NRG3: variants seen among roughly 807,000 people sequenced by gnomAD.
NRG3 encodes the protein pro-neuregulin-3, membrane-bound isoform.
A neutral mutation model predicts 66.9 loss-of-function variants in NRG3; 31 were observed. That is an observed-to-expected ratio of 0.46 (90% CI 0.35 to 0.63). NRG3 has a LOEUF of 0.63. Ranked by LOEUF, NRG3 falls within the 20% of genes least tolerant of loss-of-function variation. NRG3 has a pLI of 0.00. For missense variants in NRG3, 910 were observed against 878.9 expected (o/e 1.04, Z -0.45); for synonymous variants, 393 against 359.4 (o/e 1.09, Z -1.06).
chr10:82,647,791 A>G (rs1331084171), intron 2 of NRG3, among the ~76,000 whole-genome samples: 1 of 151,998 alleles, frequency 6.6e-6, no homozygotes, highest in African/African-American at 2.4e-5. Context: ...TTTTGGCTGC[A>G]TAATTGTCTT....
At chr10:81,878,838 A>G (rs187349146) in intron 1 of NRG3, among the ~76,000 whole-genome samples, 86 of 152,328 alleles carry the variant, frequency 5.6e-4, no homozygotes, top group Admixed American at 4.7e-3. Flanking sequence ...GGCTTATGGA[A>G]TGAATGTCTT....
chr10:82,629,455 T>A (rs1010042546), intron 2 of NRG3, among the ~76,000 whole-genome samples: 2 of 152,234 alleles, frequency 1.3e-5, no homozygotes, highest in South Asian at 4.1e-4. Flanking sequence ...GATACCATTC[T>A]GGTCGGTAAG....
At chr10:82,482,686 G>A (rs955030610) in intron 2 of NRG3, among the ~76,000 whole-genome samples, 4 of 152,244 alleles carry the variant, frequency 2.6e-5, no homozygotes, top group Non-Finnish European at 5.9e-5. Context: ...AGGGCCAGCC[G>A]CCTATTATAA....
intron 1 of NRG3, among the ~76,000 whole-genome samples, chr10:82,304,058 G>A (rs1033920446): frequency 3.3e-5 from 5 of 151,860 alleles, no homozygotes; most frequent in Admixed American, 2.0e-4. Context: ...TAAGAGTGTG[G>A]GTTTGTATAT....
chr10:82,247,901 A>G (rs1035465658), intron 1 of NRG3, among the ~76,000 whole-genome samples: 2 of 152,170 alleles, frequency 1.3e-5, no homozygotes, highest in African/African-American at 4.8e-5. Flanking sequence ...ACTTCTCTGC[A>G]AAGATGGTTT....
chr10:82,102,346 GTTA>G (rs566043301), intron 1 of NRG3, among the ~76,000 whole-genome samples: 78 of 149,584 alleles, frequency 5.2e-4, no homozygotes, highest in African/African-American at 1.9e-3. Flanking sequence ...GCCTGTCCAT[GTTA>G]TTATATTTAA....
At chr10:82,065,957 C>T (rs2064433347) in intron 1 of NRG3, among the ~76,000 whole-genome samples, 1 of 152,098 alleles carries the variant, frequency 6.6e-6, no homozygotes, top group Non-Finnish European at 1.5e-5. Context: ...AGAAATTTTG[C>T]AAAGGCCTGT....
chr10:82,376,415 A>T (rs1268772698), intron 2 of NRG3, among the ~76,000 whole-genome samples: 1 of 152,102 alleles, frequency 6.6e-6, no homozygotes, highest in Non-Finnish European at 1.5e-5. Flanking sequence ...GGTCCTTGAA[A>T]CTTTGGGTTT....
At chr10:82,573,182 T>C (rs2045841533) in intron 2 of NRG3, among the ~76,000 whole-genome samples, 1 of 151,796 alleles carries the variant, frequency 6.6e-6, no homozygotes, top group African/African-American at 2.4e-5. Flanking sequence ...GCTACCTAAA[T>C]GTACTGCATT....
At chr10:82,323,617 C>T (rs2081701380) in intron 1 of NRG3, among the ~76,000 whole-genome samples, 1 of 151,484 alleles carries the variant, frequency 6.6e-6, no homozygotes, top group Admixed American at 6.6e-5. Flanking sequence ...GAATGTTGGC[C>T]TAATAAAATA....
chr10:82,720,281 T>A (rs1475513570), intron 2 of NRG3, among the ~76,000 whole-genome samples: 1 of 151,996 alleles, frequency 6.6e-6, no homozygotes, highest in African/African-American at 2.4e-5. Context: ...TCTCAGCTAC[T>A]TGGGAGGCTG....
intron 3 of NRG3, among the ~76,000 whole-genome samples, chr10:82,816,984 T>G (rs2135545479): frequency 6.6e-6 from 1 of 152,364 alleles, no homozygotes; most frequent in Admixed American, 6.5e-5. Flanking sequence ...TACTAGAAAG[T>G]AACAAAGTAT....
chr10:82,783,157 CG>C (rs1398552782), intron 3 of NRG3, among the ~76,000 whole-genome samples: 3 of 152,108 alleles, frequency 2.0e-5, no homozygotes, highest in African/African-American at 7.2e-5. Context: ...AATTCAACAA[CG>C]CTTCATGCTA....
chr10:81,952,706 C>A (rs910820906), intron 1 of NRG3, among the ~76,000 whole-genome samples: 1 of 152,170 alleles, frequency 6.6e-6, no homozygotes, highest in African/African-American at 2.4e-5. Flanking sequence ...CTGGCTTAAG[C>A]GATCCTTCCA....
chr10:82,835,792 CA>C (rs2062743587), intron 3 of NRG3, among the ~76,000 whole-genome samples: 1 of 152,110 alleles, frequency 6.6e-6, no homozygotes, highest in Non-Finnish European at 1.5e-5. Context: ...TTGCTTTGTT[CA>C]GATCTCTGAA....
chr10:82,475,448 T>A (rs1841685303), intron 2 of NRG3, among the ~76,000 whole-genome samples: 1 of 152,148 alleles, frequency 6.6e-6, no homozygotes, highest in South Asian at 2.1e-4. Context: ...TCCAAGACAT[T>A]GCATCAGTAA....
intron 3 of NRG3, among the ~76,000 whole-genome samples, chr10:82,786,191 A>G (rs773017699): frequency 1.4e-4 from 22 of 152,166 alleles, no homozygotes; most frequent in Non-Finnish European, 2.9e-4. Flanking sequence ...CAGAGCAACC[A>G]ATGTGCAACT....
chr10:82,613,973 G>A (rs2133533933), intron 2 of NRG3, among the ~76,000 whole-genome samples: 1 of 151,604 alleles, frequency 6.6e-6, no homozygotes, highest in Admixed American at 6.6e-5. Flanking sequence ...TATAATCCTG[G>A]CTCACTGCAA....
intron 3 of NRG3, among the ~76,000 whole-genome samples, chr10:82,758,442 G>A (rs1422951920): frequency 6.6e-6 from 1 of 152,038 alleles, no homozygotes; most frequent in Non-Finnish European, 1.5e-5. Flanking sequence ...GCAAGGAAGA[G>A]AAGTATGTCA....
Sources: allele counts gnomAD v4.1 joint callset (sites outside exome capture counted in the v4.1 genomes callset), GRCh38; gene constraint gnomAD v4.1.1; transcripts MANE v1.5; gene names NCBI Gene and HGNC (gene_info 2026-07-23, HGNC 2026-07-21).